Variants in MPRIP observed in about 807,000 individuals in gnomAD.
The protein encoded by MPRIP is myosin phosphatase Rho interacting protein.
Under a neutral mutation model 234.9 loss-of-function variants are expected in MPRIP, and 59 were observed. The ratio of observed to expected loss-of-function variants is 0.25; its 90% CI spans 0.20 to 0.31. The LOEUF (loss-of-function observed/expected upper bound fraction) is 0.31, where lower values mean the gene tolerates loss of function less well. Ranked by LOEUF, MPRIP falls within the 10% of genes least tolerant of loss-of-function variation. The probability of loss-of-function intolerance (pLI) is 1.00; values close to 1 mark genes in which losing one functional copy is unlikely to be tolerated. For synonymous variants in MPRIP, 1,144 were observed against 1,263.9 expected (o/e 0.91, Z 2.01); for missense variants, 2,436 against 3,071.0 (o/e 0.79, Z 4.89).
At chr17:17,142,271 A>C in intron 7 of MPRIP, 1 of 217,994 alleles carries the variant, frequency 4.6e-6, no homozygotes. Context: ...GAGGGATGCA[A>C]TGAGAATGGA....
At chr17:17,045,954 C>T (rs1239354448) in intron 1 of MPRIP, among the ~76,000 whole-genome samples, 1 of 151,998 alleles carries the variant, frequency 6.6e-6, no homozygotes, top group African/African-American at 2.4e-5. Context: ...TACAGGCACC[C>T]GCCACCATGC....
rs1355929353 is a variant in MPRIP at position 17,164,512 on chromosome 17, G to A, written c.2921G>A (p.Arg974Gln). The change falls in exon 16 of 24, where the codon CGG (arginine) becomes CAG (glutamine). Residue 974 changes from arginine (R) to glutamine (Q), a missense_variant. Physicochemically the swap from Arg to Gln is conservative, Grantham distance 43. This residue lies in a region of MPRIP where 1,998 missense variants were observed against 2,520.3 expected (regional missense o/e 0.79). Transcript: ENST00000651222. ...CTGCTGGAGAAGACGCAGGAGCTACGGGGCCTGGAGACACAGCAGGCGCTG... is the reference window on the plus strand; with the variant it reads ...CTGCTGGAGAAGACGCAGGAGCTACAGGGCCTGGAGACACAGCAGGCGCTG... ...ALLLEKTQEL[R>Q]GLETQQALQR... is the part of the protein sequence containing the mutation. 2.2e-5 allele frequency: 27 copies of A among 1,209,568 alleles called. No homozygotes were observed. Among genetic ancestry groups the A allele is most frequent in the African/African-American group, 3.2e-5 (2 of 62,734 alleles). The allele number at this position is 1,209,568 out of a possible 1,614,324, so 74.9% of individuals were successfully genotyped here. A position where few individuals can be genotyped will look rare whatever the true frequency, so the allele number is the denominator to read the frequency against.
intron 8 of MPRIP, 98 bp downstream of exon 8, chr17:17,142,863 G>C: frequency 7.3e-7 from 1 of 1,378,626 alleles, no homozygotes; most frequent in Non-Finnish European, 9.8e-7. Context: ...CCTGGGATGT[G>C]CTCCTGCCAG....
intron 1 of MPRIP, among the ~76,000 whole-genome samples, chr17:17,064,595 A>C (rs2088966784): frequency 6.6e-6 from 1 of 152,122 alleles, no homozygotes; most frequent in African/African-American, 2.4e-5. Flanking sequence ...ATCCTGCTCC[A>C]TTTCCATAAA....
At chr17:17,093,387 G>A (rs1260159119) in intron 3 of MPRIP, among the ~76,000 whole-genome samples, 4 of 152,152 alleles carry the variant, frequency 2.6e-5, no homozygotes, top group African/African-American at 9.7e-5. Context: ...TAAAATGCTT[G>A]ACCTGAGGAC....
At chr17:17,179,276 G>A (rs1229168866) in intron 22 of MPRIP, among the ~76,000 whole-genome samples, 4 of 152,012 alleles carry the variant, frequency 2.6e-5, no homozygotes, top group South Asian at 2.1e-4. Context: ...GTGAAACCCC[G>A]TCTCTACTAA....
At chr17:17,054,749 C>T (rs1339438503) in intron 1 of MPRIP, among the ~76,000 whole-genome samples, 1 of 151,718 alleles carries the variant, frequency 6.6e-6, no homozygotes, top group Non-Finnish European at 1.5e-5. Flanking sequence ...AAGGACTGAA[C>T]TGATTTTAAG....
intron 3 of MPRIP, among the ~76,000 whole-genome samples, chr17:17,119,353 C>T (rs527594115): frequency 5.9e-5 from 9 of 152,254 alleles, no homozygotes; most frequent in African/African-American, 1.7e-4. Flanking sequence ...CAAGTCTCCA[C>T]GTGGTCCAGG....
intron 3 of MPRIP, chr17:17,096,882 T>TTTTTTA: frequency 2.2e-6 from 1 of 444,940 alleles, no homozygotes; most frequent in Admixed American, 2.7e-5. Flanking sequence ...GGAAAATAAA[T>TTTTTTA]ATGAAAAAGC....
intron 3 of MPRIP, among the ~76,000 whole-genome samples, chr17:17,087,067 A>G (rs1415628958): frequency 6.6e-6 from 1 of 152,194 alleles, no homozygotes; most frequent in African/African-American, 2.4e-5. Flanking sequence ...CCAGAGGCCC[A>G]AGTGACATTT....
At chr17:17,154,889 GT>G (rs2045693325) in intron 13 of MPRIP, among the ~76,000 whole-genome samples, 4 of 152,220 alleles carry the variant, frequency 2.6e-5, no homozygotes, top group Admixed American at 2.0e-4. Context: ...ACCCTCTCCT[GT>G]TTTTGCATTC....
At position 17,078,968 on chromosome 17, in the gene MPRIP, A is replaced by ATCC. The variant is rs1240796007; in HGVS notation, c.267+894_267+896dup. The stretch of plus-strand genomic sequence containing the variant: ...TATGTAAAATAGGCAGCCCCTGCCT[A>ATCC]TCCTACCCAGAGTTTGTTTCTTTGC... On this transcript the variant is annotated intron_variant, in intron 3 of 23. Transcript: ENST00000651222. This position sits in a 1 kb window ranked among gnomAD's most constrained non-coding sequence, Gnocchi z 4.3. Among the ~76,000 whole-genome samples the ATCC allele has an allele frequency of 3.3e-5, 5 of 152,012 alleles. No individual in the cohort carries two copies. The highest frequency in any genetic ancestry group is 1.3e-4 in the Admixed American group (2 of 15,262).
chr17:17,084,082 C>G (rs548992456), intron 3 of MPRIP, among the ~76,000 whole-genome samples: 1 of 152,344 alleles, frequency 6.6e-6, no homozygotes, highest in South Asian at 2.1e-4. Flanking sequence ...TCGGAGCTTT[C>G]CCAGGCAGGC....
chr17:17,163,315 C>T (rs2045912397), intron 15 of MPRIP, among the ~76,000 whole-genome samples: 1 of 152,148 alleles, frequency 6.6e-6, no homozygotes, highest in South Asian at 2.1e-4. Flanking sequence ...GCTCGGCTCA[C>T]TCTTGTTTGT....
intron 1 of MPRIP, 103 bp downstream of exon 1, chr17:17,043,074 A>G (rs538680075): frequency 8.8e-7 from 1 of 1,138,884 alleles, no homozygotes; most frequent in East Asian, 2.9e-5. Context: ...GGAGCAGGGA[A>G]ATGCGCGAGT....
In MPRIP at chr17:17,108,437, T is replaced by A. The variant is rs546127785; in HGVS notation, c.268-18265T>A. On this transcript the variant is annotated intron_variant, in intron 3 of 23. Coordinates refer to ENST00000651222, the MANE Select transcript of MPRIP (RefSeq NM_001364716.4). ...GTGGTTCCCAGCCTTGGCTGAACAT[T>A]AGAATCACTAGAGAAGCTTTTAAGA... Among the ~76,000 whole-genome samples the A allele has an allele frequency of 7.2e-5, 11 of 152,334 alleles. No individual in the cohort carries two copies. In the South Asian group the frequency reaches 2.1e-3, roughly 29 times the overall value.
Position 17,192,427 on chromosome 17 carries a change from T to TTGGGGGGGGG in MPRIP, c.*7533_*7534insTGGGGGGGGG, listed in dbSNP as rs56270914. On this transcript the variant is annotated 3_prime_UTR_variant, in exon 24 of 24. Coordinates refer to ENST00000651222, the MANE Select transcript of MPRIP (RefSeq NM_001364716.4). ...ACCAGCTGAGCTGCTGCTTTTTTTT[T>TTGGGGGGGGG]GGGGGGGGGGGGGGGAGGGGCGTCT... is the stretch of plus-strand genomic sequence containing the variant. The TTGGGGGGGGG allele has an allele frequency of 1.9e-3, 9 of 4,814 alleles. 2 individuals are homozygous for TTGGGGGGGGG. Among genetic ancestry groups the TTGGGGGGGGG allele is most frequent in the African/African-American group, 2.1e-3 (5 of 2,358 alleles). 0.3% of individuals were successfully genotyped at this position (4,814 alleles called of 1,614,324 possible). A position where few individuals can be genotyped will look rare whatever the true frequency, so the allele number is the denominator to read the frequency against.
chr17:17,043,118 T>C (rs755348862), intron 1 of MPRIP, 147 bp downstream of exon 1: 121 of 761,492 alleles, frequency 1.6e-4, no homozygotes, highest in Non-Finnish European at 2.4e-4. Context: ...GGAAGTGCAT[T>C]GACAGAGCTG....
chr17:17,165,661 C>T lies in MPRIP; in HGVS notation c.4070C>T (p.Ser1357Leu), dbSNP rs931696326. 4 of 1,305,110 alleles carry T rather than the reference C, an allele frequency of 3.1e-6. No homozygotes were observed. Among genetic ancestry groups the T allele is most frequent in the East Asian group, 5.5e-5 (1 of 18,032 alleles). 80.8% of individuals were successfully genotyped at this position (1,305,110 alleles called of 1,614,324 possible). A position where few individuals can be genotyped will look rare whatever the true frequency, so the allele number is the denominator to read the frequency against. Residue 1357 changes from serine (S) to leucine (L), a missense_variant, in exon 16 of 24, where the codon TCG (serine) becomes TTG (leucine). Transcript: ENST00000651222. ...SSDTSQDRSP[S>L]EESMSSEPAP... is the part of the protein sequence containing the mutation. Reference sequence around the variant, plus strand: ...GACACCAGCCAGGACCGGTCACCCTCGGAAGAAAGCATGTCCTCAGAGCCT... The same window carrying T: ...GACACCAGCCAGGACCGGTCACCCTTGGAAGAAAGCATGTCCTCAGAGCCT...
Sources: gnomAD v4.1 joint callset for allele counts (sites outside exome capture counted in the v4.1 genomes callset) on GRCh38, gnomAD v4.1.1 for gene constraint, gnomAD v4.1.1 regional missense constraint, Gnocchi (gnomAD v3.1) non-coding constraint, MANE v1.5 for transcripts, NCBI Gene and HGNC (gene_info 2026-07-23, HGNC 2026-07-21) for gene names.